TMPRSS15: variants seen among roughly 807,000 people sequenced by gnomAD.
The protein encoded by TMPRSS15 is transmembrane serine protease 15.
A neutral mutation model predicts 125.3 loss-of-function variants in TMPRSS15; 128 were observed. That is an observed-to-expected ratio of 1.02 (90% CI 0.89 to 1.18). The LOEUF (loss-of-function observed/expected upper bound fraction) is 1.18, where lower values mean the gene tolerates loss of function less well. Ranked by LOEUF, TMPRSS15 falls within the 50% of genes most tolerant of loss-of-function variation. The probability of loss-of-function intolerance (pLI) is 0.00; values close to 1 mark genes in which losing one functional copy is unlikely to be tolerated. For synonymous variants in TMPRSS15, 446 were observed against 423.2 expected, an observed-to-expected ratio of 1.05 and a Z score of -0.66; for missense variants, 1,283 against 1,212.7, an observed-to-expected ratio of 1.06 and a Z score of -0.86.
In TMPRSS15 at chr21:18,411,136, C is replaced by T. The variant is rs184220869; in HGVS notation, c.11-12807G>A. 1.5e-4 allele frequency among the ~76,000 whole-genome samples: 23 copies of T among 152,212 alleles called. No individual in the cohort carries two copies. In the East Asian group the frequency reaches 4.2e-3, roughly 28 times the overall value. ...AAACAGCAGTTACATTCCTCTGCTA[C>T]TTCTAGGTTAATCATAAAGGAAGTC... is the stretch of plus-strand genomic sequence containing the variant. On this transcript the variant is annotated intron_variant, in intron 1 of 7. Coordinates refer to the TMPRSS15 transcript ENST00000422787.
chr21:18,307,342 C>T (rs1421401147), intron 18 of TMPRSS15, among the ~76,000 whole-genome samples: 4 of 152,156 alleles, frequency 2.6e-5, no homozygotes, highest in East Asian at 1.9e-4. Flanking sequence ...ATTTGTCTCT[C>T]TGTATCTGGT....
At chr21:18,391,475 A>G (rs540818587) in intron 3 of TMPRSS15, among the ~76,000 whole-genome samples, 1 of 152,324 alleles carries the variant, frequency 6.6e-6, no homozygotes, top group East Asian at 1.9e-4. Flanking sequence ...AAGCTCCAAA[A>G]TAATCTCCTT....
chr21:18,417,165 AC>A (rs1441925997), intron 1 of TMPRSS15, among the ~76,000 whole-genome samples: 1 of 152,124 alleles, frequency 6.6e-6, no homozygotes, highest in African/African-American at 2.4e-5. Context: ...AGTATGTATA[AC>A]CTAATCATTA....
At chr21:18,370,312 A>C (rs12627311) in intron 6 of TMPRSS15, among the ~76,000 whole-genome samples, 63,517 of 151,918 alleles carry the variant, frequency 0.42, 13,944 homozygotes, top group East Asian at 0.79. Context: ...TATGAACTCC[A>C]TGAGCATAAT....
In TMPRSS15 at chr21:18,329,215, A is replaced by G. The variant is rs773282560; in HGVS notation, c.1734T>C (p.Asp578=). The G allele has an allele frequency of 1.5e-5, 24 of 1,612,534 alleles. No individual in the cohort carries two copies. Among genetic ancestry groups the G allele is most frequent in the East Asian group, 2.2e-5 (1 of 44,710 alleles). Residue 578 remains aspartate, a synonymous_variant, in exon 15 of 25, where the codon GAT becomes GAC. Transcript: ENST00000284885. ...CTTCACCATCTCTTATTTCAACTACATCGTTAATATTTTCTAAGTCAAATT... is the reference window on the plus strand; with the variant it reads ...CTTCACCATCTCTTATTTCAACTACGTCGTTAATATTTTCTAAGTCAAATT... ...FQEFDLENIN[D]VVEIRDGEEA...
chr21:18,480,076 A>C (rs560210833), intron 1 of TMPRSS15, among the ~76,000 whole-genome samples: 3 of 152,078 alleles, frequency 2.0e-5, no homozygotes, highest in African/African-American at 7.2e-5. Context: ...GGATGAGTTC[A>C]TGTCCTTTGC....
At chr21:18,340,738 C>G (rs4452233) in intron 13 of TMPRSS15, among the ~76,000 whole-genome samples, 14,634 of 113,748 alleles carry the variant, frequency 0.13, 726 homozygotes, top group African/African-American at 0.15. Context: ...CCTTAAGAAG[C>G]CCACAAAAAC....
At chr21:18,478,753 A>G (rs1978925718) in intron 1 of TMPRSS15, among the ~76,000 whole-genome samples, 1 of 151,990 alleles carries the variant, frequency 6.6e-6, no homozygotes, top group African/African-American at 2.4e-5. Flanking sequence ...TGGAAAGAAC[A>G]TGTCAGAGGT....
intron 3 of TMPRSS15, among the ~76,000 whole-genome samples, chr21:18,387,515 G>T (rs575065838): frequency 2.0e-5 from 3 of 151,882 alleles, no homozygotes; most frequent in Non-Finnish European, 4.4e-5. Flanking sequence ...AAATGTTCTG[G>T]TGAAAGCACT....
chr21:18,426,603 G>A lies in TMPRSS15; in HGVS notation c.11-28274C>T, dbSNP rs57558923. Reference sequence around the variant, plus strand: ...AAACCCTCTTTTTGGTCTACGCTATGTGATAAAAAGCTATTTGTTTTAGCC... The same window carrying A: ...AAACCCTCTTTTTGGTCTACGCTATATGATAAAAAGCTATTTGTTTTAGCC... On this transcript the variant is annotated intron_variant, in intron 1 of 7. Coordinates refer to the TMPRSS15 transcript ENST00000422787. Among the ~76,000 whole-genome samples the A allele has an allele frequency of 8.3e-3, 1,267 of 152,268 alleles. 22 individuals are homozygous for A. The highest frequency in any genetic ancestry group is 0.029 in the African/African-American group (1,186 of 41,538).
At chr21:18,344,270 C>T (rs1270799266) in intron 10 of TMPRSS15, among the ~76,000 whole-genome samples, 1 of 152,072 alleles carries the variant, frequency 6.6e-6, no homozygotes, top group Non-Finnish European at 1.5e-5. Context: ...TAACACTGGG[C>T]CTCCCACTTT....
At chr21:18,309,752 C>A (rs1052026541) in intron 18 of TMPRSS15, among the ~76,000 whole-genome samples, 1 of 151,904 alleles carries the variant, frequency 6.6e-6, no homozygotes, top group East Asian at 1.9e-4. Flanking sequence ...CCAGTTAGAA[C>A]GGTGATCATC....
At chr21:18,279,311 CTTTTTTT>C (rs71189593) in intron 22 of TMPRSS15, among the ~76,000 whole-genome samples, 4 of 41,096 alleles carry the variant, frequency 9.7e-5, no homozygotes, top group African/African-American at 2.2e-4. Context: ...CCTCGTTACT[CTTTTTTT>C]TTTTTTTTTT....
At chr21:18,310,474 AC>A (rs1468573894) in intron 18 of TMPRSS15, among the ~76,000 whole-genome samples, 4 of 152,038 alleles carry the variant, frequency 2.6e-5, no homozygotes, top group Non-Finnish European at 4.4e-5. Context: ...ACAAAAAAAA[AC>A]AAACACCTAG....
At chr21:18,323,323 G>C (rs2075258015) in intron 16 of TMPRSS15, among the ~76,000 whole-genome samples, 1 of 152,156 alleles carries the variant, frequency 6.6e-6, no homozygotes, top group Non-Finnish European at 1.5e-5. Flanking sequence ...AGGGCTGGGA[G>C]AGCTTCATAA....
intron 14 of TMPRSS15, among the ~76,000 whole-genome samples, chr21:18,330,960 C>T (rs2075338803): frequency 6.6e-6 from 1 of 151,288 alleles, no homozygotes; most frequent in African/African-American, 2.4e-5. Context: ...GTAGTCCCAG[C>T]TACTCGGGAG....
At chr21:18,449,003 C>T (rs1477171388) in intron 1 of TMPRSS15, among the ~76,000 whole-genome samples, 2 of 152,100 alleles carry the variant, frequency 1.3e-5, no homozygotes, top group African/African-American at 4.8e-5. Flanking sequence ...TGGTGAGTTA[C>T]ATGAATCCAC....
intron 1 of TMPRSS15, among the ~76,000 whole-genome samples, chr21:18,434,093 A>C (rs1263858729): frequency 6.6e-6 from 1 of 152,108 alleles, no homozygotes; most frequent in Non-Finnish European, 1.5e-5. Flanking sequence ...TTTTTCTTTC[A>C]TGTGAAATGG....
intron 10 of TMPRSS15, among the ~76,000 whole-genome samples, chr21:18,348,921 T>G (rs2075536259): frequency 6.6e-6 from 1 of 152,198 alleles, no homozygotes; most frequent in African/African-American, 2.4e-5. Flanking sequence ...AATTTAATGT[T>G]TATTACATGC....
Sources: gnomAD v4.1 joint callset for allele counts (sites outside exome capture counted in the v4.1 genomes callset) on GRCh38, gnomAD v4.1.1 for gene constraint, MANE v1.5 for transcripts, NCBI Gene and HGNC (gene_info 2026-07-23, HGNC 2026-07-21) for gene names.